COL7A1: variants seen among roughly 807,000 people sequenced by gnomAD.
COL7A1 encodes collagen alpha-1(VII) chain.
Under a neutral mutation model 456.2 loss-of-function variants are expected in COL7A1, and 296 were observed. The ratio of observed to expected loss-of-function variants is 0.65; its 90% CI spans 0.59 to 0.71. The LOEUF is 0.71. COL7A1 is among the 30% of genes least tolerant of loss of function. COL7A1 has a pLI of 0.00. For synonymous variants in COL7A1, 1,464 were observed against 1,525.9 expected (o/e 0.96, Z 0.95); for missense variants, 3,441 against 4,017.2 (o/e 0.86, Z 3.88).
Position 48,568,757 on chromosome 3 carries a change from T to C in COL7A1, c.7758+27A>G, listed in dbSNP as rs764114847. ...GTGATGCTGGCTCTGGACCTGGGCC[T>C]GGGCCTGGGCCTGGGGCAGAACTTG... is the stretch of plus-strand genomic sequence containing the variant. On this transcript the variant is annotated intron_variant, in intron 104 of 118. Coordinates refer to ENST00000681320, the MANE Select transcript of COL7A1 (RefSeq NM_000094.4). This position sits in a 1 kb window ranked among gnomAD's most constrained non-coding sequence, Gnocchi z 5.2. 7.7e-6 allele frequency: 12 copies of C among 1,555,914 alleles called. No homozygotes were observed. The highest frequency in any genetic ancestry group is 5.8e-5 in the Admixed American group (3 of 51,758).
At position 48,568,948 on chromosome 3, in the gene COL7A1, G is replaced by T; in HGVS notation, c.7687-93C>A. 2 of 1,296,310 alleles carry T rather than the reference G, an allele frequency of 1.5e-6. No individual in the cohort carries two copies. The highest frequency in any genetic ancestry group is 2.2e-6 in the Non-Finnish European group (2 of 920,718). 80.3% of individuals were successfully genotyped at this position (1,296,310 alleles called of 1,614,324 possible). A position where few individuals can be genotyped will look rare whatever the true frequency, so the allele number is the denominator to read the frequency against. On this transcript the variant is annotated intron_variant, in intron 103 of 118. Coordinates refer to ENST00000681320, the MANE Select transcript of COL7A1 (RefSeq NM_000094.4). The surrounding 1 kb of genome is among the most constrained non-coding windows in gnomAD (Gnocchi z 5.2). ...GCCCGCCAGCTGGGGCAGAGCTCAA[G>T]TCACTCCCGAACGGCCCTAGCAGCA... is the stretch of plus-strand genomic sequence containing the variant.
rs1412834173 is a variant in COL7A1, at chr3:48,593,273, C to T, written c.521-10G>A. On this transcript the variant is annotated splice_polypyrimidine_tract_variant and intron_variant, in intron 5 of 118. Coordinates refer to ENST00000681320, the MANE Select transcript of COL7A1 (RefSeq NM_000094.4). The surrounding 1 kb of genome is among the most constrained non-coding windows in gnomAD (Gnocchi z 4.4). Reference sequence around the variant, plus strand: ...TCAGCATTCTTGATCCCTGAAGTGACGACCCATCAGGACTCAGTCACCCAC... The same window carrying T: ...TCAGCATTCTTGATCCCTGAAGTGATGACCCATCAGGACTCAGTCACCCAC... 1.2e-5 allele frequency: 20 copies of T among 1,614,004 alleles called. No homozygotes were observed. Among genetic ancestry groups the T allele is most frequent in the East Asian group, 2.2e-5 (1 of 44,896 alleles).
rs1174424471 is a variant in COL7A1 at position 48,583,859 on chromosome 3, C to A, written c.4278+41G>T. ...ACCACTGCCCCAGGAGAGACCCACA[C>A]CCCTGAGCAGGGCCCCCAGCAGAGC... On this transcript the variant is annotated intron_variant, in intron 39 of 118. Coordinates refer to ENST00000681320, the MANE Select transcript of COL7A1 (RefSeq NM_000094.4). The surrounding 1 kb of genome is among the most constrained non-coding windows in gnomAD (Gnocchi z 5.1). The A allele has an allele frequency of 2.5e-6, 4 of 1,613,670 alleles. No individual in the cohort carries two copies. Among genetic ancestry groups the A allele is most frequent in the Non-Finnish European group, 3.4e-6 (4 of 1,179,802 alleles).
Position 48,567,311 on chromosome 3 carries a change from G to A in COL7A1, c.8047-121C>T. 7.9e-7 allele frequency: 1 copy of A among 1,263,954 alleles called. No homozygotes were observed. The highest frequency in any genetic ancestry group is 1.2e-5 in the South Asian group (1 of 82,210). The allele number at this position is 1,263,954 out of a possible 1,614,324, so 78.3% of individuals were successfully genotyped here. A position where few individuals can be genotyped will look rare whatever the true frequency, so the allele number is the denominator to read the frequency against. On this transcript the variant is annotated intron_variant, in intron 109 of 118. Transcript: ENST00000681320. The surrounding 1 kb of genome is among the most constrained non-coding windows in gnomAD (Gnocchi z 4.3). ...AACCTTCTGTAACCCAAGCACCTGT[G>A]AGCCAACCAGATGTGATCCCCATGA... is the stretch of plus-strand genomic sequence containing the variant.
chr3:48,586,564 C>T lies in COL7A1; in HGVS notation c.3402G>A (p.Leu1134=). The change falls in exon 26 of 119, where the codon CTG becomes CTA. Residue 1134 remains leucine (L), a splice_region_variant and synonymous_variant. Transcript: ENST00000681320. This position sits in a 1 kb window ranked among gnomAD's most constrained non-coding sequence, Gnocchi z 5.1. The stretch of plus-strand genomic sequence containing the variant: ...GTCCATGCCTGCTGCAGTCCTCACC[C>T]AGGTTGTTCCCACTTGGGTCCATGT... The part of the protein sequence containing the change: ...MPYMDPSGNN[L]GTAVVTAHRY... 6.2e-7 allele frequency: 1 copy of T among 1,613,790 alleles called. No homozygotes were observed. Among genetic ancestry groups the T allele is most frequent in the Non-Finnish European group, 8.5e-7 (1 of 1,180,034 alleles).
At position 48,578,999 on chromosome 3, in the gene COL7A1, G is replaced by T. The variant is rs201550192; in HGVS notation, c.5389-45C>A. On this transcript the variant is annotated intron_variant, in intron 62 of 118. Transcript: ENST00000681320. The surrounding 1 kb of genome is among the most constrained non-coding windows in gnomAD (Gnocchi z 4.7). The stretch of plus-strand genomic sequence containing the variant: ...CAGTTCATCATGGTCATGGGGTCAG[G>T]GGCTCTAGTCCCTGTGAGCCTAAGG... The T allele has an allele frequency of 1.9e-6, 3 of 1,612,976 alleles. No individual in the cohort carries two copies. The Admixed American group carries it at 5.0e-5, about 27-fold the overall frequency.
At position 48,586,987 on chromosome 3, in the gene COL7A1, C is replaced by T. The variant is rs1280766662; in HGVS notation, c.3261G>A (p.Gly1087=). 1 of 1,596,094 alleles carries T rather than the reference C, an allele frequency of 6.3e-7. No homozygotes were observed. Among genetic ancestry groups the T allele is most frequent in the Non-Finnish European group, 8.5e-7 (1 of 1,171,654 alleles). ...ERLVLALGPL[G]PQAVQVGLLS... Reference sequence around the variant, plus strand: ...AGGGCCAAACCTGAACTGCCTGTGGCCCAAGAGGCCCAAGTGCCAACACCA... The same window carrying T: ...AGGGCCAAACCTGAACTGCCTGTGGTCCAAGAGGCCCAAGTGCCAACACCA... The change falls in exon 25 of 119, where the codon GGG becomes GGA. Residue 1087 remains glycine (G), a synonymous_variant. Coordinates refer to ENST00000681320, the MANE Select transcript of COL7A1 (RefSeq NM_000094.4). This position sits in a 1 kb window ranked among gnomAD's most constrained non-coding sequence, Gnocchi z 5.1.
chr3:48,570,822 G>T lies in COL7A1; in HGVS notation c.7272+39C>A. On this transcript the variant is annotated intron_variant, in intron 95 of 118. Coordinates refer to ENST00000681320, the MANE Select transcript of COL7A1 (RefSeq NM_000094.4). The surrounding 1 kb of genome is among the most constrained non-coding windows in gnomAD (Gnocchi z 5.5). ...CAGGGCCCCCTCCTCACCCACCATG[G>T]ATTCACCATGCCCCTACATGCTGTT... The T allele has an allele frequency of 6.3e-7, 1 of 1,582,100 alleles. No homozygotes were observed. Among genetic ancestry groups the T allele is most frequent in the South Asian group, 1.1e-5 (1 of 87,232 alleles).
Position 48,593,604 on chromosome 3 carries a change from CCT to C in COL7A1, c.357_358del (p.Ala121CysfsTer7), listed in dbSNP as rs1559440927. On this transcript the variant is annotated frameshift_variant, in exon 4 of 119. Transcript: ENST00000681320. LOFTEE classifies it high-confidence loss of function. The surrounding 1 kb of genome is among the most constrained non-coding windows in gnomAD (Gnocchi z 4.4). ...GTCAGCCACATGGAGAATTGCAGCC[CCT>C]GTGCGAGTGTTGCCCCCCTTGTAGC... 2 of 1,614,200 alleles carry C rather than the reference CCT, an allele frequency of 1.2e-6. No homozygotes were observed. The highest frequency in any genetic ancestry group is 1.7e-6 in the Non-Finnish European group (2 of 1,180,038).
chr3:48,580,776 T>G lies in COL7A1; in HGVS notation c.4980+106A>C. ...CACATCAGAGGTTCCCATCACCCCA[T>G]GCCTCCCTGCAGGGACTCCCATCAC... On this transcript the variant is annotated intron_variant, in intron 54 of 118. Transcript: ENST00000681320. The surrounding 1 kb of genome is among the most constrained non-coding windows in gnomAD (Gnocchi z 4.5). 1 of 1,564,884 alleles carries G rather than the reference T, an allele frequency of 6.4e-7. No individual in the cohort carries two copies. The highest frequency in any genetic ancestry group is 1.1e-5 in the South Asian group (1 of 89,698).
chr3:48,586,212 C>G lies in COL7A1; in HGVS notation c.3585G>C (p.Ala1195=). The G allele has an allele frequency of 1.2e-6, 2 of 1,613,492 alleles. No individual in the cohort carries two copies. Among genetic ancestry groups the G allele is most frequent in the Non-Finnish European group, 1.7e-6 (2 of 1,180,030 alleles). ...CCAAGCGACGCAGCTGCTCTGGGTC[C>G]GCTCCAGCCATTCCCAACATCACCA... ...LNVVMLGMAG[A]DPEQLRRLAP... The change falls in exon 28 of 119, where the codon GCG becomes GCC. Residue 1195 remains alanine, a synonymous_variant. Transcript: ENST00000681320. This position sits in a 1 kb window ranked among gnomAD's most constrained non-coding sequence, Gnocchi z 5.1.
In COL7A1 at chr3:48,578,888, C is replaced by G; in HGVS notation, c.5424+31G>C. 1 of 1,608,482 alleles carries G rather than the reference C, an allele frequency of 6.2e-7. No individual in the cohort carries two copies. The highest frequency in any genetic ancestry group is 8.5e-7 in the Non-Finnish European group (1 of 1,176,596). ...GGTTGGAGCTTACGCAGCCCCGAGC[C>G]CCCTCTGTCCCAGCATCTCCCCTCA... On this transcript the variant is annotated intron_variant, in intron 63 of 118. Transcript: ENST00000681320. This position sits in a 1 kb window ranked among gnomAD's most constrained non-coding sequence, Gnocchi z 4.7.
At position 48,583,191 on chromosome 3, in the gene COL7A1, GAA is replaced by G. The variant is rs1377429584; in HGVS notation, c.4438-22_4438-21del. The G allele has an allele frequency of 1.2e-6, 2 of 1,613,408 alleles. No individual in the cohort carries two copies. The highest frequency in any genetic ancestry group is 8.5e-7 in the Non-Finnish European group (1 of 1,179,862). Reference sequence around the variant, plus strand: ...GTCACCCTGAAGAGAGAGGGTGAGAGAAAGACAGAGAGAGAGAGGGTTGGTGG... The same window carrying G: ...GTCACCCTGAAGAGAGAGGGTGAGAGAGACAGAGAGAGAGAGGGTTGGTGG... On this transcript the variant is annotated intron_variant, in intron 42 of 118. Transcript: ENST00000681320. The surrounding 1 kb of genome is among the most constrained non-coding windows in gnomAD (Gnocchi z 5.1).
At position 48,564,669 on chromosome 3, in the gene COL7A1, G is replaced by A; in HGVS notation, c.8818+114C>T. 1 of 1,261,166 alleles carries A rather than the reference G, an allele frequency of 7.9e-7. No individual in the cohort carries two copies. Among genetic ancestry groups the A allele is most frequent in the Non-Finnish European group, 1.1e-6 (1 of 908,636 alleles). 78.1% of individuals were successfully genotyped at this position (1,261,166 alleles called of 1,614,324 possible). ...TCTGCCCCAGGTCCCCTACTGCGAGGGAGCGTCTCCTCCAGGACCCTGACC... is the reference window on the plus strand; with the variant it reads ...TCTGCCCCAGGTCCCCTACTGCGAGAGAGCGTCTCCTCCAGGACCCTGACC... On this transcript the variant is annotated intron_variant, in intron 118 of 118. Coordinates refer to ENST00000681320, the MANE Select transcript of COL7A1 (RefSeq NM_000094.4). The surrounding 1 kb of genome is among the most constrained non-coding windows in gnomAD (Gnocchi z 6.0).
rs143372872 is a variant in COL7A1, at chr3:48,591,712, C to T, written c.1468G>A (p.Gly490Ser). Reference protein sequence around the residue: ...YRLTLYTLLEGHEVATPATVV... With the variant: ...YRLTLYTLLESHEVATPATVV... ...GTTGCAGGGGTGGCCACCTCGTGGC[C>T]CTCCAGCAGAGTGTAGAGTGTGAGG... The change falls in exon 12 of 119, where the codon GGC becomes AGC. Residue 490 changes from glycine (G) to serine (S), a missense_variant. This residue lies in a region of COL7A1 where 913 missense variants were observed against 1,088.2 expected (regional missense o/e 0.84). Coordinates refer to ENST00000681320, the MANE Select transcript of COL7A1 (RefSeq NM_000094.4). This position sits in a 1 kb window ranked among gnomAD's most constrained non-coding sequence, Gnocchi z 7.0. The T allele has an allele frequency of 5.4e-5, 87 of 1,613,992 alleles. No individual in the cohort carries two copies. Among genetic ancestry groups the T allele is most frequent in the Admixed American group, 3.3e-5 (2 of 59,996 alleles).
At position 48,572,982 on chromosome 3, in the gene COL7A1, T is replaced by G. The variant is rs751484538; in HGVS notation, c.6750+39A>C. ...CTCTGTCAGGGCTGCCTGTCGACCC[T>G]TGACCCCTGGAGCCCAACCCTTGAC... On this transcript the variant is annotated intron_variant, in intron 86 of 118. Coordinates refer to ENST00000681320, the MANE Select transcript of COL7A1 (RefSeq NM_000094.4). This position sits in a 1 kb window ranked among gnomAD's most constrained non-coding sequence, Gnocchi z 4.6. 1 of 1,614,000 alleles carries G rather than the reference T, an allele frequency of 6.2e-7. No homozygotes were observed. Among genetic ancestry groups the G allele is most frequent in the Non-Finnish European group, 8.5e-7 (1 of 1,179,996 alleles).
chr3:48,590,536 T>C lies in COL7A1; in HGVS notation c.1829A>G (p.Asp610Gly). The change falls in exon 15 of 119, where the codon GAT (aspartate) becomes GGT (glycine). Residue 610 changes from aspartate to glycine, a missense_variant. Coordinates refer to ENST00000681320, the MANE Select transcript of COL7A1 (RefSeq NM_000094.4). This position sits in a 1 kb window ranked among gnomAD's most constrained non-coding sequence, Gnocchi z 4.6. ...CCAGGCCACCCTCACTCGCGTTGCA[T>C]CTGACACCACAACCCGCAGCCCTGG... is the stretch of plus-strand genomic sequence containing the variant. ...AVPGLRVVVS[D>G]ATRVRVAWGP... 6.2e-7 allele frequency: 1 copy of C among 1,614,150 alleles called. No individual in the cohort carries two copies. The highest frequency in any genetic ancestry group is 8.5e-7 in the Non-Finnish European group (1 of 1,180,024).
rs1355116023 is a variant in COL7A1, at chr3:48,572,488, C to T, written c.6936+15G>A. 1 of 1,613,768 alleles carries T rather than the reference C, an allele frequency of 6.2e-7. No homozygotes were observed. Among genetic ancestry groups the T allele is most frequent in the Admixed American group, 1.7e-5 (1 of 59,992 alleles). ...CAGTTGACCCCCCCTCACTGGCAGC[C>T]CCACACACACTCACCTTCTCTCCCT... On this transcript the variant is annotated intron_variant, in intron 89 of 118. Transcript: ENST00000681320. This position sits in a 1 kb window ranked among gnomAD's most constrained non-coding sequence, Gnocchi z 4.6.
In COL7A1 at chr3:48,571,932, G is replaced by A. The variant is rs936746613; in HGVS notation, c.7068+69C>T. Reference sequence around the variant, plus strand: ...GGCTCAGACATGTGCCCCGGCCCAAGAGTGGCCCCTTATGCCCGCCATCAC... The same window carrying A: ...GGCTCAGACATGTGCCCCGGCCCAAAAGTGGCCCCTTATGCCCGCCATCAC... On this transcript the variant is annotated intron_variant, in intron 92 of 118. Transcript: ENST00000681320. The surrounding 1 kb of genome is among the most constrained non-coding windows in gnomAD (Gnocchi z 4.6). 1.7e-5 allele frequency: 27 copies of A among 1,575,750 alleles called. No individual in the cohort carries two copies. Among genetic ancestry groups the A allele is most frequent in the Non-Finnish European group, 1.3e-5 (15 of 1,154,608 alleles).
Sources: gnomAD v4.1 joint callset for allele counts on GRCh38, gnomAD v4.1.1 for gene constraint, gnomAD v4.1.1 regional missense constraint, Gnocchi (gnomAD v3.1) non-coding constraint, MANE v1.5 for transcripts, NCBI Gene and HGNC (gene_info 2026-07-23, HGNC 2026-07-21) for gene names.